Variants in GRIN2A observed in about 807,000 individuals in gnomAD.
GRIN2A encodes glutamate ionotropic receptor NMDA type subunit 2A, also known as glutamate receptor ionotropic, NMDA 2A.
Under a neutral mutation model 113.4 loss-of-function variants are expected in GRIN2A, and 22 were observed. The ratio of observed to expected loss-of-function variants is 0.19; its 90% CI spans 0.14 to 0.28. GRIN2A has a LOEUF of 0.28. Ranked by LOEUF, GRIN2A falls within the 10% of genes least tolerant of loss-of-function variation. GRIN2A has a pLI of 1.00. For synonymous variants in GRIN2A, 827 were observed against 738.4 expected (o/e 1.12, Z -1.94); for missense variants, 1,502 against 1,887.0 (o/e 0.80, Z 3.78).
chr16:9,811,692 G>C (rs1182449774), intron 10 of GRIN2A, among the ~76,000 whole-genome samples: 1 of 152,212 alleles, frequency 6.6e-6, no homozygotes, highest in African/African-American at 2.4e-5. Flanking sequence ...CCTGCAGATG[G>C]AGGTTGCAGT....
At chr16:9,864,309 T>G (rs1259344333) in intron 4 of GRIN2A, among the ~76,000 whole-genome samples, 1 of 152,194 alleles carries the variant, frequency 6.6e-6, no homozygotes, top group Non-Finnish European at 1.5e-5. Flanking sequence ...AGAGGTAGAC[T>G]GTGATCCTGG....
intron 2 of GRIN2A, among the ~76,000 whole-genome samples, chr16:10,072,387 T>C (rs1298743241): frequency 6.6e-6 from 1 of 152,176 alleles, no homozygotes; most frequent in Non-Finnish European, 1.5e-5. Context: ...GAGAAACAAG[T>C]ACCTACAATT....
chr16:9,933,361 T>A (rs2044641842), intron 3 of GRIN2A, among the ~76,000 whole-genome samples: 1 of 152,094 alleles, frequency 6.6e-6, no homozygotes, highest in South Asian at 2.1e-4. Flanking sequence ...CCTGAGATTA[T>A]AAATAAAGTC....
At chr16:10,056,587 T>C (rs2047460307) in intron 2 of GRIN2A, among the ~76,000 whole-genome samples, 1 of 152,188 alleles carries the variant, frequency 6.6e-6, no homozygotes, top group East Asian at 1.9e-4. Flanking sequence ...GTAGATGTTA[T>C]CAACTAAATT....
chr16:9,754,517 T>G lies in GRIN2A; in HGVS notation c.*8632A>C, dbSNP rs963650718. 4.7e-6 allele frequency: 1 copy of G among 212,676 alleles called. No individual in the cohort carries two copies. The highest frequency in any genetic ancestry group is 9.5e-6 in the Non-Finnish European group (1 of 105,120). The allele number at this position is 212,676 out of a possible 1,614,324, so 13.2% of individuals were successfully genotyped here. On this transcript the variant is annotated 3_prime_UTR_variant, in exon 13 of 13. Transcript: ENST00000330684. ...TCATCTTTTCAAATTCATCAAAAAT[T>G]TCAAACAAGATCACCTGGATTTGGC...
At chr16:9,953,161 C>G (rs2045222988) in intron 2 of GRIN2A, among the ~76,000 whole-genome samples, 1 of 152,158 alleles carries the variant, frequency 6.6e-6, no homozygotes, top group Admixed American at 6.5e-5. Flanking sequence ...TGCTGCAATA[C>G]AGATACACAA....
chr16:10,072,800 T>A (rs999443847), intron 2 of GRIN2A, among the ~76,000 whole-genome samples: 2 of 147,132 alleles, frequency 1.4e-5, no homozygotes, highest in African/African-American at 5.3e-5. Context: ...GTTATCTGGG[T>A]GATTGTCTGT....
chr16:9,939,373 T>G (rs1342472610), intron 2 of GRIN2A, among the ~76,000 whole-genome samples: 1 of 152,106 alleles, frequency 6.6e-6, no homozygotes, highest in Non-Finnish European at 1.5e-5. Flanking sequence ...GATACGATGT[T>G]GAAGAGCTTG....
chr16:9,996,600 C>A (rs925652714), intron 2 of GRIN2A, among the ~76,000 whole-genome samples: 1 of 152,310 alleles, frequency 6.6e-6, no homozygotes, highest in Admixed American at 6.5e-5. Context: ...ATTCCAACTT[C>A]ATTTGTCTAC....
intron 10 of GRIN2A, among the ~76,000 whole-genome samples, chr16:9,821,474 C>T (rs1028675462): frequency 8.5e-5 from 13 of 152,106 alleles, no homozygotes; most frequent in Admixed American, 5.9e-4. Context: ...TCTCCATTGT[C>T]AGCAAGACCA....
At chr16:9,967,526 C>A (rs766247259) in intron 2 of GRIN2A, among the ~76,000 whole-genome samples, 3 of 152,194 alleles carry the variant, frequency 2.0e-5, no homozygotes, top group Middle Eastern at 3.4e-3. Context: ...GCTAACGTGG[C>A]GAAACCCGTG....
intron 12 of GRIN2A, among the ~76,000 whole-genome samples, chr16:9,765,506 A>T (rs1432190914): frequency 6.6e-6 from 1 of 152,206 alleles, no homozygotes; most frequent in Non-Finnish European, 1.5e-5. Context: ...GCACACATTG[A>T]TTCATCTAAA....
intron 2 of GRIN2A, among the ~76,000 whole-genome samples, chr16:10,096,573 C>CACACACACACACACACACAT (rs1555478915): frequency 2.0e-5 from 3 of 149,266 alleles, no homozygotes; most frequent in African/African-American, 7.4e-5. Context: ...CACACACACA[C>CACACACACACACACACACAT]TTTACTCTCT....
intron 11 of GRIN2A, among the ~76,000 whole-genome samples, chr16:9,776,214 G>C (rs949101193): frequency 5.9e-5 from 9 of 151,712 alleles, no homozygotes; most frequent in Non-Finnish European, 1.3e-4. Context: ...CCTTCAGGAA[G>C]TCTTCCCTGA....
intron 2 of GRIN2A, among the ~76,000 whole-genome samples, chr16:9,952,937 A>T (rs936765482): frequency 2.2e-4 from 33 of 152,160 alleles, no homozygotes; most frequent in African/African-American, 8.0e-4. Context: ...AAAAGAGACA[A>T]GGAGTTAATG....
intron 2 of GRIN2A, among the ~76,000 whole-genome samples, chr16:9,942,749 A>G (rs373133673): frequency 1.3e-5 from 2 of 152,296 alleles, no homozygotes; most frequent in East Asian, 3.9e-4. Flanking sequence ...CTGCCTTTCC[A>G]TACAGCAATG....
At chr16:9,999,768 A>G (rs1021916956) in intron 2 of GRIN2A, among the ~76,000 whole-genome samples, 2 of 152,172 alleles carry the variant, frequency 1.3e-5, no homozygotes, top group Non-Finnish European at 2.9e-5. Flanking sequence ...CAAGCAAGAT[A>G]CGGAGGCTAA....
At chr16:10,049,100 A>T (rs1345450726) in intron 2 of GRIN2A, among the ~76,000 whole-genome samples, 1 of 152,196 alleles carries the variant, frequency 6.6e-6, no homozygotes, top group South Asian at 2.1e-4. Context: ...GACACACTCC[A>T]TACTGAAATT....
chr16:10,030,254 C>T (rs2046904214), intron 2 of GRIN2A, among the ~76,000 whole-genome samples: 1 of 152,076 alleles, frequency 6.6e-6, no homozygotes, highest in African/African-American at 2.4e-5. Flanking sequence ...CTGCATTTCT[C>T]TCATCATTCA....
Sources: allele counts gnomAD v4.1 joint callset (sites outside exome capture counted in the v4.1 genomes callset), GRCh38; gene constraint gnomAD v4.1.1; transcripts MANE v1.5; gene names NCBI Gene and HGNC (gene_info 2026-07-23, HGNC 2026-07-21).